SLC10A7: variants seen among roughly 807,000 people sequenced by gnomAD.
SLC10A7 encodes the protein solute carrier family 10 member 7, also known as sodium/bile acid cotransporter 7.
Under a neutral mutation model 43.2 loss-of-function variants are expected in SLC10A7, and 29 were observed. The observed-to-expected ratio is 0.67, with a 90% CI of 0.50 to 0.92. The LOEUF (loss-of-function observed/expected upper bound fraction) is 0.92, where lower values mean the gene tolerates loss of function less well. SLC10A7 is among the 40% of genes least tolerant of loss of function. The pLI, the probability that SLC10A7 is intolerant of heterozygous loss-of-function variation, is 0.00. For missense variants in SLC10A7, 295 were observed against 403.2 expected (o/e 0.73, Z 2.30); for synonymous variants, 152 against 144.8 (o/e 1.05, Z -0.35).
intron 5 of SLC10A7, among the ~76,000 whole-genome samples, chr4:146,432,896 G>A (rs1479088504): frequency 1.3e-5 from 2 of 151,650 alleles, no homozygotes; most frequent in African/African-American, 2.4e-5. Flanking sequence ...AAATTAGCCG[G>A]GCGTGGTGGT....
intron 1 of SLC10A7, among the ~76,000 whole-genome samples, chr4:146,519,066 CATATATATATAT>C (rs869090267): frequency 9.4e-3 from 56 of 5,974 alleles, no homozygotes; most frequent in Admixed American, 0.011. Context: ...GAAAAATCAC[CATATATATATAT>C]ATATATATAT....
chr4:146,271,438 C>A (rs1240409845), intron 10 of SLC10A7, among the ~76,000 whole-genome samples: 1 of 152,148 alleles, frequency 6.6e-6, no homozygotes, highest in African/African-American at 2.4e-5. Flanking sequence ...AAATCCAAAG[C>A]TTCTCAACTC....
chr4:146,425,356 T>C (rs1729261926), intron 5 of SLC10A7, among the ~76,000 whole-genome samples: 1 of 152,226 alleles, frequency 6.6e-6, no homozygotes, highest in Non-Finnish European at 1.5e-5. Context: ...CGCTCTCCAG[T>C]AGAGCAATGA....
chr4:146,325,493 C>T (rs930722774), intron 6 of SLC10A7, among the ~76,000 whole-genome samples: 2 of 152,096 alleles, frequency 1.3e-5, no homozygotes, highest in African/African-American at 2.4e-5. Flanking sequence ...GGTGTTACTT[C>T]CCATTCTACA....
At chr4:146,436,345 T>A (rs1419893851) in intron 5 of SLC10A7, among the ~76,000 whole-genome samples, 1 of 152,126 alleles carries the variant, frequency 6.6e-6, no homozygotes, top group Non-Finnish European at 1.5e-5. Flanking sequence ...CAAACCCACA[T>A]AGAGCTATCA....
chr4:146,285,806 TG>T (rs1729859652), intron 9 of SLC10A7, among the ~76,000 whole-genome samples: 1 of 151,942 alleles, frequency 6.6e-6, no homozygotes, highest in South Asian at 2.1e-4. Flanking sequence ...GTGTTTGGAG[TG>T]GTGAGAAAGA....
intron 4 of SLC10A7, among the ~76,000 whole-genome samples, chr4:146,474,928 G>C (rs1292282343): frequency 6.6e-6 from 1 of 152,028 alleles, no homozygotes. Flanking sequence ...CATTTTGATA[G>C]TACCAGAGCA....
At chr4:146,287,385 G>A (rs1578792392) in intron 9 of SLC10A7, among the ~76,000 whole-genome samples, 1 of 152,304 alleles carries the variant, frequency 6.6e-6, no homozygotes, top group East Asian at 1.9e-4. Context: ...CAAGAATAAA[G>A]AAGTTATCTG....
intron 4 of SLC10A7, among the ~76,000 whole-genome samples, chr4:146,473,498 A>C (rs904262202): frequency 6.6e-6 from 1 of 152,198 alleles, no homozygotes; most frequent in African/African-American, 2.4e-5. Flanking sequence ...TCTTTAAAAC[A>C]CCTTAACAGA....
At chr4:146,383,268 G>A (rs568576989) in intron 5 of SLC10A7, among the ~76,000 whole-genome samples, 1 of 152,236 alleles carries the variant, frequency 6.6e-6, no homozygotes, top group South Asian at 2.1e-4. Context: ...AACTCCCTAT[G>A]AGACAGTGAA....
At chr4:146,474,131 A>AG (rs72524884) in intron 4 of SLC10A7, among the ~76,000 whole-genome samples, 115,464 of 148,958 alleles carry the variant, frequency 0.78, 44,977 homozygotes, top group East Asian at 0.94. Context: ...CAAATAAAAG[A>AG]GAAAAAAAAA....
At chr4:146,501,184 T>C (rs1395838150) in intron 4 of SLC10A7, among the ~76,000 whole-genome samples, 1 of 152,204 alleles carries the variant, frequency 6.6e-6, no homozygotes, top group Non-Finnish European at 1.5e-5. Context: ...AATTTTGGCT[T>C]TAAATACATT....
At chr4:146,348,309 A>G (rs1401729363) in intron 5 of SLC10A7, among the ~76,000 whole-genome samples, 2 of 152,204 alleles carry the variant, frequency 1.3e-5, no homozygotes, top group Admixed American at 1.3e-4. Flanking sequence ...GCAATCTAAG[A>G]TATCTTATGG....
intron 2 of SLC10A7, chr4:146,514,709 T>C (rs1447420662): frequency 6.3e-6 from 1 of 159,754 alleles, no homozygotes; most frequent in Non-Finnish European, 1.4e-5. Flanking sequence ...TGAACTATTT[T>C]AGGACCTAAT....
chr4:146,272,749 A>G (rs941484973), intron 10 of SLC10A7, among the ~76,000 whole-genome samples: 4 of 152,286 alleles, frequency 2.6e-5, no homozygotes, highest in African/African-American at 9.6e-5. Context: ...TTCACTTCAA[A>G]CGCAGTAAAT....
chr4:146,480,713 T>C (rs1165561273), intron 4 of SLC10A7, among the ~76,000 whole-genome samples: 5 of 152,072 alleles, frequency 3.3e-5, no homozygotes, highest in Non-Finnish European at 5.9e-5. Flanking sequence ...AAATATGACA[T>C]TTCAGCTGGG....
chr4:146,502,317 T>C (rs1446834672), intron 4 of SLC10A7, among the ~76,000 whole-genome samples: 1 of 152,232 alleles, frequency 6.6e-6, no homozygotes, highest in Non-Finnish European at 1.5e-5. Flanking sequence ...AATGTAAAAC[T>C]GTATGACCAC....
chr4:146,390,729 C>T (rs547565293), intron 5 of SLC10A7, among the ~76,000 whole-genome samples: 79 of 152,070 alleles, frequency 5.2e-4, no homozygotes, highest in Non-Finnish European at 8.8e-4. Flanking sequence ...TAGGAAAACA[C>T]GAGCAATTTT....
At chr4:146,495,424 TG>T (rs1735794818) in intron 4 of SLC10A7, among the ~76,000 whole-genome samples, 1 of 152,206 alleles carries the variant, frequency 6.6e-6, no homozygotes, top group Non-Finnish European at 1.5e-5. Context: ...CTTAATGCAT[TG>T]GATTAGCAAG....
Sources: gnomAD v4.1 joint callset for allele counts (sites outside exome capture counted in the v4.1 genomes callset) on GRCh38, gnomAD v4.1.1 for gene constraint, MANE v1.5 for transcripts, NCBI Gene and HGNC (gene_info 2026-07-23, HGNC 2026-07-21) for gene names.